COL6A1: variants seen among roughly 807,000 people sequenced by gnomAD.
COL6A1 encodes collagen type VI alpha 1 chain, also known as collagen alpha-1(VI) chain.
In COL6A1, 80 loss-of-function variants were observed where a neutral mutation model predicts 145.6. The ratio of observed to expected loss-of-function variants is 0.55; its 90% CI spans 0.46 to 0.66. The LOEUF (loss-of-function observed/expected upper bound fraction) is 0.66. COL6A1 is among the 30% of genes least tolerant of loss of function. COL6A1 has a pLI of 0.00. For synonymous variants in COL6A1, 638 were observed against 622.8 expected, an observed-to-expected ratio of 1.02 and a Z score of -0.36; for missense variants, 1,364 against 1,473.8, an observed-to-expected ratio of 0.93 and a Z score of 1.22.
rs770200066 is a variant in COL6A1 at position 45,997,686 on chromosome 21, C to T, written c.1462-14C>T. Reference sequence around the variant, plus strand: ...GCTAAGCCTGCTCCCCTCACGCCTCCTCTTCCTCCTCAGGGTGCCAGAGGA... The same window carrying T: ...GCTAAGCCTGCTCCCCTCACGCCTCTTCTTCCTCCTCAGGGTGCCAGAGGA... On this transcript the variant is annotated splice_polypyrimidine_tract_variant and intron_variant, in intron 21 of 34. Transcript: ENST00000361866. 3 of 1,581,280 alleles carry T rather than the reference C, an allele frequency of 1.9e-6. No individual in the cohort carries two copies. Among genetic ancestry groups the T allele is most frequent in the Non-Finnish European group, 1.7e-6 (2 of 1,163,534 alleles).
Position 45,985,129 on chromosome 21 carries a change from GAGAGAC to G in COL6A1, c.428+675_428+680del, listed in dbSNP as rs568455135. Among the ~76,000 whole-genome samples the G allele has an allele frequency of 3.3e-3, 492 of 151,354 alleles. 3 individuals are homozygous for G. Among genetic ancestry groups the G allele is most frequent in the Non-Finnish European group, 4.8e-3 (325 of 67,896 alleles). Reference sequence around the variant, plus strand: ...ACAGAGGGGCAGAGACAGGCAGACAGAGAGACAGAGACAGAGACAGCGAAACAGAGA... The same window carrying G: ...ACAGAGGGGCAGAGACAGGCAGACAGAGAGACAGAGACAGCGAAACAGAGA... On this transcript the variant is annotated intron_variant, in intron 3 of 34. Transcript: ENST00000361866.
chr21:46,003,704 C>G lies in COL6A1; in HGVS notation c.2778C>G (p.Phe926Leu). ...ATGCCCTGGGCTATGTGACCCGCTT[C>G]TACCGCGAGGCCTCGTCCGGCGCTG... ...VNDALGYVTR[F>L]YREASSGAAK... Residue 926 changes from phenylalanine (F) to leucine (L), a missense_variant, in exon 35 of 35, where the codon TTC becomes TTG. Phe to Leu is a conservative substitution (Grantham distance 22). Coordinates refer to ENST00000361866, the MANE Select transcript of COL6A1 (RefSeq NM_001848.3). 4 of 1,613,058 alleles carry G rather than the reference C, an allele frequency of 2.5e-6. No individual in the cohort carries two copies. Among genetic ancestry groups the G allele is most frequent in the Non-Finnish European group, 3.4e-6 (4 of 1,179,940 alleles).
chr21:45,990,495 AC>A (rs1354932891), intron 13 of COL6A1, 73 bp downstream of exon 13: 25 of 243,642 alleles, frequency 1.0e-4, no homozygotes, highest in African/African-American at 1.0e-3. Context: ...GACGGAGTGG[AC>A]GGCGTGAAGG....
chr21:45,997,825 C>G (rs2077814928), intron 22 of COL6A1, 63 bp downstream of exon 22: 2 of 1,520,508 alleles, frequency 1.3e-6, no homozygotes, highest in South Asian at 1.2e-5. Context: ...CTGGGAAGCC[C>G]CAGCCCCGCA....
At position 45,997,352 on chromosome 21, in the gene COL6A1, C is replaced by T; in HGVS notation, c.1399-69C>T. 4.1e-6 allele frequency: 6 copies of T among 1,468,696 alleles called. No individual in the cohort carries two copies. The Admixed American group carries it at 8.4e-5, about 20-fold the overall frequency. 91.0% of individuals were successfully genotyped at this position (1,468,696 alleles called of 1,614,324 possible). A position where few individuals can be genotyped will look rare whatever the true frequency, so the allele number is the denominator to read the frequency against. On this transcript the variant is annotated intron_variant, in intron 20 of 34. Transcript: ENST00000361866. ...ATGCCTCTTGGTCTGAGACCCTCAGCTTAGGGTCAGGGAGGGCTCAGGCTG... is the reference window on the plus strand; with the variant it reads ...ATGCCTCTTGGTCTGAGACCCTCAGTTTAGGGTCAGGGAGGGCTCAGGCTG...
chr21:45,986,848 G>A (rs1316509328), intron 4 of COL6A1, 96 bp from the exon 5 acceptor site: 2 of 1,526,800 alleles, frequency 1.3e-6, no homozygotes, highest in East Asian at 2.5e-5. Context: ...GGAGCCTGGA[G>A]CGCCCCAGCC....
At position 45,990,992 on chromosome 21, in the gene COL6A1, C is replaced by A. The variant is rs1268978170; in HGVS notation, c.1070C>A (p.Pro357His). The change falls in exon 15 of 35, where the codon CCC becomes CAC. Residue 357 changes from proline to histidine, a missense_variant. By Grantham distance (77) the Pro-to-His change is moderately conservative. Around this residue, in one of 3 missense-constraint regions of COL6A1, gnomAD observed 938 missense variants for 1,003.8 expected, o/e 0.93. Coordinates refer to ENST00000361866, the MANE Select transcript of COL6A1 (RefSeq NM_001848.3). ...GSPGFDGIQGPPGPKGDPGAF... is the reference protein window; with the variant it reads ...GSPGFDGIQGHPGPKGDPGAF... ...TCTTTTCTCCAGGGCATTCAAGGACCCCCTGGCCCCAAGGGAGACCCCGGT... is the reference window on the plus strand; with the variant it reads ...TCTTTTCTCCAGGGCATTCAAGGACACCCTGGCCCCAAGGGAGACCCCGGT... 5.0e-6 allele frequency: 8 copies of A among 1,613,362 alleles called. No homozygotes were observed. The highest frequency in any genetic ancestry group is 6.8e-6 in the Non-Finnish European group (8 of 1,179,912).
chr21:45,982,095 G>C lies in COL6A1; in HGVS notation c.97+148G>C, dbSNP rs2077710569. The C allele has an allele frequency of 5.5e-6, 4 of 723,402 alleles. No homozygotes were observed. In the Admixed American group the frequency reaches 9.3e-5, roughly 17 times the overall value. 44.8% of individuals were successfully genotyped at this position (723,402 alleles called of 1,614,324 possible). ...CCACTCCCCGCTCGGGGCGGCTGCA[G>C]CGCCCAGCTCTGCCCCACCGGGCCT... On this transcript the variant is annotated intron_variant, in intron 1 of 34. Coordinates refer to ENST00000361866, the MANE Select transcript of COL6A1 (RefSeq NM_001848.3).
At chr21:45,985,291 G>A (rs2077732977) in intron 3 of COL6A1, among the ~76,000 whole-genome samples, 1 of 151,760 alleles carries the variant, frequency 6.6e-6, no homozygotes, top group African/African-American at 2.4e-5. Context: ...CAGAGACAGA[G>A]AGATAGAGAC....
chr21:45,990,042 CGGGCGGTT>C (rs1234603476), intron 11 of COL6A1, among the ~76,000 whole-genome samples: 4 of 140,938 alleles, frequency 2.8e-5, no homozygotes, highest in South Asian at 2.2e-4. Flanking sequence ...GGGGGTCCCC[CGGGCGGTT>C]ACCCTCTGCG....
In COL6A1 at chr21:45,987,389, G is replaced by A. The variant is rs534274493; in HGVS notation, c.739-110G>A. On this transcript the variant is annotated intron_variant, in intron 6 of 34. Coordinates refer to ENST00000361866, the MANE Select transcript of COL6A1 (RefSeq NM_001848.3). ...GCCTGGGACATGTGTCCGCCTGTGCGTCCATCCGTGTGTCCGTCTGCCCAT... is the reference window on the plus strand; with the variant it reads ...GCCTGGGACATGTGTCCGCCTGTGCATCCATCCGTGTGTCCGTCTGCCCAT... 269 of 1,531,082 alleles carry A rather than the reference G, an allele frequency of 1.8e-4. 1 individual carries two copies. The African/African-American group carries it at 3.2e-3, about 18-fold the overall frequency. 94.8% of individuals were successfully genotyped at this position (1,531,082 alleles called of 1,614,324 possible).
At chr21:45,988,515 G>A (rs1014104281) in intron 8 of COL6A1, among the ~76,000 whole-genome samples, 1 of 152,010 alleles carries the variant, frequency 6.6e-6, no homozygotes, top group Non-Finnish European at 1.5e-5. Flanking sequence ...GGCTCCGGCC[G>A]TGCAGGGTGT....
In COL6A1 at chr21:45,984,259, T is replaced by G; in HGVS notation, c.228-10T>G. On this transcript the variant is annotated splice_polypyrimidine_tract_variant and intron_variant, in intron 2 of 34. Coordinates refer to ENST00000361866, the MANE Select transcript of COL6A1 (RefSeq NM_001848.3). ...GCCCGCCTCACGCCCGCCGTGCCTGTTCCTGGCAGGTACTACCGCTGTGAC... is the reference window on the plus strand; with the variant it reads ...GCCCGCCTCACGCCCGCCGTGCCTGGTCCTGGCAGGTACTACCGCTGTGAC... 6.2e-7 allele frequency: 1 copy of G among 1,602,474 alleles called. No individual in the cohort carries two copies. Among genetic ancestry groups the G allele is most frequent in the Non-Finnish European group, 8.5e-7 (1 of 1,175,254 alleles).
In COL6A1 at chr21:46,004,729, C is replaced by T. The variant is rs1341450255; in HGVS notation, c.*716C>T. The stretch of plus-strand genomic sequence containing the variant: ...CTACAGCCCTGGAGGCCGCTGCTGA[C>T]CAGCACTGACCCCGACCTCAGAGAG... On this transcript the variant is annotated 3_prime_UTR_variant, in exon 35 of 35. Coordinates refer to ENST00000361866, the MANE Select transcript of COL6A1 (RefSeq NM_001848.3). 2.2e-6 allele frequency: 1 copy of T among 450,102 alleles called. No homozygotes were observed. Among genetic ancestry groups the T allele is most frequent in the South Asian group, 1.6e-5 (1 of 63,700 alleles). 27.9% of individuals were successfully genotyped at this position (450,102 alleles called of 1,614,324 possible).
Position 45,981,905 on chromosome 21 carries a change from G to A in COL6A1, c.55G>A (p.Ala19Thr). 6.2e-7 allele frequency: 1 copy of A among 1,606,764 alleles called. No homozygotes were observed. The highest frequency in any genetic ancestry group is 8.5e-7 in the Non-Finnish European group (1 of 1,178,024). Residue 19 changes from alanine to threonine, a missense_variant, in exon 1 of 35, where the codon GCG (alanine) becomes ACG (threonine). Ala to Thr is a moderately conservative substitution (Grantham distance 58). Around this residue, in one of 3 missense-constraint regions of COL6A1, gnomAD observed 414 missense variants for 437.6 expected, o/e 0.95. Transcript: ENST00000361866. ...PLLLQACWTA[A>T]QDEPETPRAV... ...GCTGCTGCAGGCCTGCTGGACAGCC[G>A]CGCAGGATGAGCCGGAGACCCCGAG...
In COL6A1 at chr21:46,003,487, G is replaced by T; in HGVS notation, c.2561G>T (p.Arg854Leu). ...NFDTTKRFAK[R>L]LAERFLTAGR... is the part of the protein sequence containing the mutation. ...GACACCACCAAGCGCTTCGCCAAGC[G>T]CCTGGCCGAGCGCTTCCTCACAGCG... Residue 854 changes from arginine to leucine, a missense_variant, in exon 35 of 35, where the codon CGC becomes CTC. By Grantham distance (102) the Arg-to-Leu change is moderately radical. Coordinates refer to ENST00000361866, the MANE Select transcript of COL6A1 (RefSeq NM_001848.3). 6.2e-7 allele frequency: 1 copy of T among 1,610,124 alleles called. No individual in the cohort carries two copies. Among genetic ancestry groups the T allele is most frequent in the Non-Finnish European group, 8.5e-7 (1 of 1,179,534 alleles).
rs2077769846 is a variant in COL6A1, at chr21:45,990,492, TGGACGGCGTGAAGGTGACCC to T, written c.1002+73_1002+92del. 1.5e-5 allele frequency: 4 copies of T among 259,744 alleles called. No individual in the cohort carries two copies. The East Asian group carries it at 4.4e-4, about 28-fold the overall frequency. 16.1% of individuals were successfully genotyped at this position (259,744 alleles called of 1,614,324 possible). A position where few individuals can be genotyped will look rare whatever the true frequency, so the allele number is the denominator to read the frequency against. Reference sequence around the variant, plus strand: ...TGGGGCGAGATGGGGAGGGACGGAGTGGACGGCGTGAAGGTGACCCGGGGAGGGATGGGGTGGACAGTGTG... The same window carrying T: ...TGGGGCGAGATGGGGAGGGACGGAGTGGGGAGGGATGGGGTGGACAGTGTG... On this transcript the variant is annotated intron_variant, in intron 13 of 34. Coordinates refer to ENST00000361866, the MANE Select transcript of COL6A1 (RefSeq NM_001848.3).
Position 45,986,667 on chromosome 21 carries a change from C to T in COL6A1, c.570C>T (p.Ala190=). The T allele has an allele frequency of 6.5e-7, 1 of 1,549,156 alleles. No individual in the cohort carries two copies. Among genetic ancestry groups the T allele is most frequent in the Non-Finnish European group, 8.7e-7 (1 of 1,147,254 alleles). Residue 190 remains alanine (A), a synonymous_variant, in exon 4 of 35, where the codon GCC becomes GCT. Coordinates refer to ENST00000361866, the MANE Select transcript of COL6A1 (RefSeq NM_001848.3). ...TGGGCGTCAAAGTCTTCTCGGTGGCCATCACACCCGACCACCTGGTAGGCA... is the reference window on the plus strand; with the variant it reads ...TGGGCGTCAAAGTCTTCTCGGTGGCTATCACACCCGACCACCTGGTAGGCA... The part of the protein sequence containing the change: ...KHLGVKVFSV[A]ITPDHLEPRL...
chr21:45,990,809 G>A lies in COL6A1; in HGVS notation c.1039G>A (p.Gly347Ser), dbSNP rs376898193. The stretch of plus-strand genomic sequence containing the variant: ...GTACCCAGGCCTGCCAGGCTGCAAG[G>A]GCTCGCCCGGGTTTGACGTAAGTCA... ...MGYPGLPGCK[G>S]SPGFDGIQGP... is the part of the protein sequence containing the mutation. Residue 347 changes from glycine (G) to serine (S), a missense_variant, in exon 14 of 35, where the codon GGC (glycine) becomes AGC (serine). Coordinates refer to ENST00000361866, the MANE Select transcript of COL6A1 (RefSeq NM_001848.3). The A allele has an allele frequency of 6.2e-6, 10 of 1,613,398 alleles. No individual in the cohort carries two copies. The highest frequency in any genetic ancestry group is 7.6e-6 in the Non-Finnish European group (9 of 1,179,980).
Sources: allele counts gnomAD v4.1 joint callset (sites outside exome capture counted in the v4.1 genomes callset), GRCh38; gene constraint gnomAD v4.1.1; regional missense constraint gnomAD v4.1.1; transcripts MANE v1.5; gene names NCBI Gene and HGNC (gene_info 2026-07-23, HGNC 2026-07-21).